Variants in LRRC49 observed in about 807,000 individuals in gnomAD.
LRRC49 encodes the protein leucine-rich repeat-containing protein 49.
LRRC49 carries 50 observed loss-of-function variants against 83.3 expected under a neutral mutation model. The ratio of observed to expected loss-of-function variants is 0.60; its 90% CI spans 0.48 to 0.76. The LOEUF (loss-of-function observed/expected upper bound fraction) is 0.76, where lower values mean the gene tolerates loss of function less well. Ranked by LOEUF, LRRC49 falls within the 30% of genes least tolerant of loss-of-function variation. The pLI is 0.00. For synonymous variants in LRRC49, 286 were observed against 283.3 expected, an observed-to-expected ratio of 1.01 and a Z score of -0.10; for missense variants, 704 against 809.1, an observed-to-expected ratio of 0.87 and a Z score of 1.58.
chr15:70,985,590 T>C (rs1364868363), intron 11 of LRRC49, among the ~76,000 whole-genome samples: 1 of 152,212 alleles, frequency 6.6e-6, no homozygotes, highest in Non-Finnish European at 1.5e-5. Flanking sequence ...GCCTGTTCAC[T>C]CTGATGGTAG....
intron 2 of LRRC49, chr15:70,882,038 T>C (rs1285576637): frequency 6.3e-6 from 1 of 158,754 alleles, no homozygotes; most frequent in Non-Finnish European, 1.4e-5. Flanking sequence ...CTGTGCTCAC[T>C]GTTACTGTGT....
intron 9 of LRRC49, among the ~76,000 whole-genome samples, chr15:70,978,573 A>G (rs1178423451): frequency 6.6e-6 from 1 of 152,224 alleles, no homozygotes; most frequent in Non-Finnish European, 1.5e-5. Flanking sequence ...CAGGTTTTAA[A>G]TCAAATGTTG....
At chr15:70,953,943 G>A (rs966064749) in intron 8 of LRRC49, among the ~76,000 whole-genome samples, 3 of 151,864 alleles carry the variant, frequency 2.0e-5, no homozygotes, top group African/African-American at 7.3e-5. Flanking sequence ...CTCCTAGACT[G>A]TAGTGCAGTG....
chr15:70,857,139 GAGGATGA>G (rs2032673251), intron 1 of LRRC49, among the ~76,000 whole-genome samples: 1 of 152,130 alleles, frequency 6.6e-6, no homozygotes, highest in Admixed American at 6.5e-5. Flanking sequence ...CATAGCTCCT[GAGGATGA>G]AACAAAAGGA....
At chr15:70,854,263 G>GCCA (rs1423960136) in intron 1 of LRRC49, 5 of 239,154 alleles carry the variant, frequency 2.1e-5, no homozygotes, top group Admixed American at 6.5e-5. Context: ...CGCCGCCGCC[G>GCCA]CCACCACCCC....
Position 70,945,596 on chromosome 15 carries a change from G to A in LRRC49, c.773+8774G>A, listed in dbSNP as rs368481891. Among the ~76,000 whole-genome samples the A allele has an allele frequency of 1.8e-4, 27 of 149,604 alleles. 1 individual carries two copies. Among genetic ancestry groups the A allele is most frequent in the African/African-American group, 5.2e-4 (21 of 40,698 alleles). On this transcript the variant is annotated intron_variant, in intron 8 of 15. Transcript: ENST00000260382. ...GTCTGTCTGTCCAGGTTATTAGACG[G>A]GTTGAATTTGTTTCCTTTTTATTTG...
At chr15:71,012,720 T>C in intron 13 of LRRC49, 84 bp from the exon 14 acceptor site, 1 of 735,932 alleles carries the variant, frequency 1.4e-6, no homozygotes, top group South Asian at 1.7e-5. Flanking sequence ...ATATTTAATT[T>C]GGATCTCTCT....
chr15:71,007,305 A>G lies in LRRC49; in HGVS notation c.1170-1074A>G, dbSNP rs577035778. On this transcript the variant is annotated intron_variant, in intron 11 of 15. Coordinates refer to ENST00000260382, the MANE Select transcript of LRRC49 (RefSeq NM_017691.5). ...CTGATTACTAGATTTTGGGTCCCCA[A>G]AGATGAAAAAATATATAATCTTTAG... Among the ~76,000 whole-genome samples, 40 of 152,156 alleles carry G rather than the reference A, an allele frequency of 2.6e-4. No homozygotes were observed. The South Asian group carries it at 6.0e-3, about 23-fold the overall frequency.
chr15:71,004,932 G>A (rs1383998168), intron 11 of LRRC49, among the ~76,000 whole-genome samples: 2 of 151,976 alleles, frequency 1.3e-5, no homozygotes, highest in Non-Finnish European at 1.5e-5. Flanking sequence ...AATAACTAAC[G>A]GGTACTAGGC....
rs539051339 is a variant in LRRC49, at chr15:70,884,945, T to C, written c.19-8639T>C. Among the ~76,000 whole-genome samples, 124 of 152,300 alleles carry C rather than the reference T, an allele frequency of 8.1e-4. 1 individual carries two copies. Among genetic ancestry groups the C allele is most frequent in the African/African-American group, 2.9e-3 (120 of 41,576 alleles). On this transcript the variant is annotated intron_variant, in intron 2 of 16. Transcript: ENST00000544974. ...TGTATTTTTAAAAACTGAGATAATA[T>C]AATGCTTTATAACCTAGTTTTCCCA...
upstream of LRRC49, chr15:70,891,734 T>G (rs2033579196): frequency 9.8e-7 from 1 of 1,023,954 alleles, no homozygotes; most frequent in Non-Finnish European, 1.4e-6. Flanking sequence ...CTTTGCAGAT[T>G]AGAAAACAGG....
rs1185968815 is a variant in LRRC49 at position 71,051,192 on chromosome 15, C to T, written c.*1580C>T. 6.6e-6 allele frequency: 1 copy of T among 152,182 alleles called. No individual in the cohort carries two copies. Among genetic ancestry groups the T allele is most frequent in the East Asian group, 1.9e-4 (1 of 5,188 alleles). The allele number at this position is 152,182 out of a possible 1,614,324, so 9.4% of individuals were successfully genotyped here. On this transcript the variant is annotated 3_prime_UTR_variant, in exon 16 of 16. Transcript: ENST00000260382. Reference sequence around the variant, plus strand: ...GGCCATCAGCTTACTAGTGTGTAACCTCAGTTTCCTCCTGATAGCACACAC... The same window carrying T: ...GGCCATCAGCTTACTAGTGTGTAACTTCAGTTTCCTCCTGATAGCACACAC...
chr15:71,014,033 C>T (rs1401887521), intron 14 of LRRC49, among the ~76,000 whole-genome samples: 1 of 152,154 alleles, frequency 6.6e-6, no homozygotes, highest in African/African-American at 2.4e-5. Flanking sequence ...TTGCATGCTA[C>T]TCCTACTTCC....
chr15:70,892,643 C>G, upstream of LRRC49: 1 of 1,446,826 alleles, frequency 6.9e-7, no homozygotes, highest in Non-Finnish European at 9.1e-7. Flanking sequence ...CCAATACTCC[C>G]GCTCTGTTTT....
intron 7 of LRRC49, among the ~76,000 whole-genome samples, chr15:70,927,321 T>A (rs1186835818): frequency 1.3e-5 from 2 of 152,188 alleles, no homozygotes; most frequent in Non-Finnish European, 2.9e-5. Context: ...TCAGTTCAAA[T>A]CTGTTACCTG....
intron 15 of LRRC49, among the ~76,000 whole-genome samples, chr15:71,042,663 T>C (rs1415477797): frequency 6.6e-6 from 1 of 152,182 alleles, no homozygotes; most frequent in Non-Finnish European, 1.5e-5. Flanking sequence ...AGAAAATTAA[T>C]TGAGGTAAGT....
chr15:70,950,426 G>A (rs1240027968), intron 8 of LRRC49, among the ~76,000 whole-genome samples: 1 of 152,078 alleles, frequency 6.6e-6, no homozygotes, highest in African/African-American at 2.4e-5. Context: ...CAGTGTATAA[G>A]TGTTCCCTTT....
rs552146813 is a variant in LRRC49, at chr15:70,855,130, G to A, written c.-299+1661G>A. Among the ~76,000 whole-genome samples the A allele has an allele frequency of 3.3e-5, 5 of 152,112 alleles. No individual in the cohort carries two copies. The East Asian group carries it at 9.7e-4, about 30-fold the overall frequency. On this transcript the variant is annotated intron_variant, in intron 1 of 16. Transcript: ENST00000544974. ...GGGCGGATCACGAGGTCAAGAGATCGAGACCATCCTGGCCAACATGGTGAA... is the reference window on the plus strand; with the variant it reads ...GGGCGGATCACGAGGTCAAGAGATCAAGACCATCCTGGCCAACATGGTGAA...
At chr15:71,015,607 G>A (rs972706044) in intron 14 of LRRC49, among the ~76,000 whole-genome samples, 1 of 152,080 alleles carries the variant, frequency 6.6e-6, no homozygotes, top group Admixed American at 6.6e-5. Context: ...GCTATATATC[G>A]GGGTCTCCAA....
Sources: gnomAD v4.1 joint callset for allele counts (sites outside exome capture counted in the v4.1 genomes callset) on GRCh38, gnomAD v4.1.1 for gene constraint, MANE v1.5 for transcripts, NCBI Gene and HGNC (gene_info 2026-07-23, HGNC 2026-07-21) for gene names.